PLD5: variants seen among roughly 807,000 people sequenced by gnomAD.
The protein encoded by PLD5 is inactive phospholipase D5.
PLD5 carries 36 observed loss-of-function variants against 61.1 expected under a neutral mutation model. That is an observed-to-expected ratio of 0.59 (90% CI 0.45 to 0.78). PLD5 has a LOEUF of 0.78. PLD5 is among the 30% of genes least tolerant of loss of function. The pLI, the probability that PLD5 is intolerant of heterozygous loss-of-function variation, is 0.00. For synonymous variants in PLD5, 243 were observed against 242.8 expected (o/e 1.00, Z -0.01); for missense variants, 515 against 644.4 (o/e 0.80, Z 2.17).
At chr1:242,506,181 T>C (rs560517558) in intron 1 of PLD5, among the ~76,000 whole-genome samples, 80 of 152,308 alleles carry the variant, frequency 5.3e-4, no homozygotes, top group Admixed American at 2.4e-3. Context: ...TTAGTAATGA[T>C]GGTTACTCCT....
At chr1:242,519,255 G>A (rs910297471) in intron 1 of PLD5, among the ~76,000 whole-genome samples, 2 of 152,132 alleles carry the variant, frequency 1.3e-5, no homozygotes, top group South Asian at 2.1e-4. Context: ...AGCCTAGACC[G>A]CTGTGACCAA....
chr1:242,319,595 A>G lies in PLD5; in HGVS notation c.326+28511T>C, dbSNP rs562831589. On this transcript the variant is annotated intron_variant, in intron 2 of 9. Coordinates refer to ENST00000536534, the MANE Select transcript of PLD5 (RefSeq NM_001372062.1). ...ATACCTCCCTCACAATTTTCCCACA[A>G]GGGAATTCCTGGTTGGCCCCACAAT... Among the ~76,000 whole-genome samples the G allele has an allele frequency of 7.3e-4, 111 of 152,270 alleles. 3 individuals carry two copies. In the South Asian group the frequency reaches 0.017, roughly 23 times the overall value.
chr1:242,165,505 GA>G (rs1666246292), intron 5 of PLD5, among the ~76,000 whole-genome samples: 1 of 149,382 alleles, frequency 6.7e-6, no homozygotes, highest in Admixed American at 6.7e-5. Flanking sequence ...TATAGACTAT[GA>G]AAAAAAGCAT....
intron 8 of PLD5, among the ~76,000 whole-genome samples, chr1:242,105,173 G>A (rs1038913893): frequency 3.3e-5 from 5 of 151,684 alleles, no homozygotes; most frequent in South Asian, 2.1e-4. Context: ...TGGCTTATAG[G>A]GCTTCGGCTA....
intron 1 of PLD5, among the ~76,000 whole-genome samples, chr1:242,413,306 TCTC>T (rs1664654873): frequency 6.6e-6 from 1 of 151,930 alleles, no homozygotes. Context: ...CGTCATGATC[TCTC>T]TTTTTTTTTT....
chr1:242,338,164 G>C (rs576779754), intron 2 of PLD5, among the ~76,000 whole-genome samples: 53 of 152,196 alleles, frequency 3.5e-4, no homozygotes, highest in African/African-American at 1.3e-3. Flanking sequence ...TGGAAGTTCT[G>C]ATTAGGAAAA....
intron 4 of PLD5, among the ~76,000 whole-genome samples, chr1:242,231,202 G>A (rs1308319995): frequency 2.6e-5 from 4 of 152,158 alleles, no homozygotes; most frequent in African/African-American, 4.8e-5. Flanking sequence ...GCCGGGGCAC[G>A]TGCTACGGCT....
chr1:242,349,880 A>G (rs1660375975), intron 1 of PLD5, among the ~76,000 whole-genome samples: 1 of 152,144 alleles, frequency 6.6e-6, no homozygotes, highest in African/African-American at 2.4e-5. Flanking sequence ...GCCCTCATGA[A>G]TGAGTCTCAG....
chr1:242,525,198 GCTA>G (rs1447359954), upstream of PLD5, among the ~76,000 whole-genome samples: 1 of 152,192 alleles, frequency 6.6e-6, no homozygotes, highest in African/African-American at 2.4e-5. Flanking sequence ...AGCCGTACAC[GCTA>G]CTTTCATCCG....
At chr1:242,455,638 A>G (rs1473576) in intron 1 of PLD5, among the ~76,000 whole-genome samples, 68,046 of 152,114 alleles carry the variant, frequency 0.45, 16,602 homozygotes, top group African/African-American at 0.64. Context: ...TAGGCAATGA[A>G]GTAGGCGCTT....
intron 4 of PLD5, among the ~76,000 whole-genome samples, chr1:242,234,397 C>A (rs1671505563): frequency 6.6e-6 from 1 of 152,164 alleles, no homozygotes; most frequent in African/African-American, 2.4e-5. Context: ...CAAACCCCTG[C>A]TGCAGGACAA....
intron 3 of PLD5, among the ~76,000 whole-genome samples, chr1:242,285,412 C>A (rs1405998463): frequency 6.6e-6 from 1 of 152,124 alleles, no homozygotes; most frequent in African/African-American, 2.4e-5. Context: ...GCAGGAGAAT[C>A]GCTTGAACCC....
Position 242,165,092 on chromosome 1 carries a change from C to T in PLD5, c.736-40427G>A, listed in dbSNP as rs2840600. Reference sequence around the variant, plus strand: ...AGGTCTCTCTCAGATGAAATAGCTTCCCACCTCTCCCCTTTTCACTTACAT... The same window carrying T: ...AGGTCTCTCTCAGATGAAATAGCTTTCCACCTCTCCCCTTTTCACTTACAT... On this transcript the variant is annotated intron_variant, in intron 5 of 9. Transcript: ENST00000536534. Among the ~76,000 whole-genome samples the T allele has an allele frequency of 1.3e-3, 203 of 152,134 alleles. 6 individuals are homozygous for T. The South Asian group carries it at 0.025, about 19-fold the overall frequency.
chr1:242,304,047 C>G (rs140155787), intron 2 of PLD5, among the ~76,000 whole-genome samples: 1 of 152,088 alleles, frequency 6.6e-6, no homozygotes, highest in African/African-American at 2.4e-5. Context: ...AAGTCTGATG[C>G]TTATCTGGGG....
At chr1:242,305,290 G>A (rs1002850050) in intron 2 of PLD5, among the ~76,000 whole-genome samples, 1 of 152,226 alleles carries the variant, frequency 6.6e-6, no homozygotes, top group African/African-American at 2.4e-5. Context: ...CTGCCCCAGG[G>A]TCACCAACTG....
At chr1:242,334,193 G>A (rs1659367238) in intron 2 of PLD5, among the ~76,000 whole-genome samples, 1 of 152,132 alleles carries the variant, frequency 6.6e-6, no homozygotes, top group Non-Finnish European at 1.5e-5. Context: ...CTGGGATACA[G>A]TATTGTATGG....
intron 4 of PLD5, among the ~76,000 whole-genome samples, chr1:242,247,352 G>T (rs1390027994): frequency 6.6e-6 from 1 of 152,168 alleles, no homozygotes; most frequent in Non-Finnish European, 1.5e-5. Flanking sequence ...TCAGTAGAAA[G>T]AAATGCTTAA....
At chr1:242,505,522 C>T (rs1032963964) in intron 1 of PLD5, among the ~76,000 whole-genome samples, 1 of 151,870 alleles carries the variant, frequency 6.6e-6, no homozygotes, top group Non-Finnish European at 1.5e-5. Context: ...ATGCATTTCT[C>T]AGGGAGGCTG....
intron 1 of PLD5, among the ~76,000 whole-genome samples, chr1:242,408,578 G>C (rs1274171930): frequency 6.6e-6 from 1 of 152,134 alleles, no homozygotes; most frequent in Non-Finnish European, 1.5e-5. Flanking sequence ...TGACACACCT[G>C]CTCCTTCTTC....
Sources: gnomAD v4.1 joint callset for allele counts (sites outside exome capture counted in the v4.1 genomes callset) on GRCh38, gnomAD v4.1.1 for gene constraint, MANE v1.5 for transcripts, NCBI Gene and HGNC (gene_info 2026-07-23, HGNC 2026-07-21) for gene names.